The following SDK1 variants were observed in gnomAD, a reference collection of about 807,000 sequenced individuals.
SDK1 encodes the protein protein sidekick-1.
SDK1 carries 157 observed loss-of-function variants against 245.5 expected under a neutral mutation model. The observed-to-expected ratio is 0.64, with a 90% CI of 0.56 to 0.73. The LOEUF is 0.73. Ranked by LOEUF, SDK1 falls within the 30% of genes least tolerant of loss-of-function variation. SDK1 has a pLI of 0.00. For missense variants in SDK1, 3,583 were observed against 3,002.3 expected, an observed-to-expected ratio of 1.19 and a Z score of -4.52; for synonymous variants, 1,647 against 1,278.5, an observed-to-expected ratio of 1.29 and a Z score of -6.15.
At chr7:4,034,710 T>G (rs10237488) in intron 17 of SDK1, among the ~76,000 whole-genome samples, 48,243 of 152,044 alleles carry the variant, frequency 0.32, 11,901 homozygotes, top group African/African-American at 0.69. Flanking sequence ...AATGAAAAGA[T>G]ACAGGTACAA....
chr7:3,550,430 C>G (rs1779364797), intron 1 of SDK1, among the ~76,000 whole-genome samples: 1 of 152,210 alleles, frequency 6.6e-6, no homozygotes, highest in Admixed American at 6.5e-5. Context: ...CAAAGCAGTC[C>G]TGACGCTCAC....
At chr7:3,850,166 C>G (rs1355060378) in intron 5 of SDK1, among the ~76,000 whole-genome samples, 1 of 152,158 alleles carries the variant, frequency 6.6e-6, no homozygotes, top group African/African-American at 2.4e-5. Flanking sequence ...ATGGACCCAC[C>G]CCCCTTCGAG....
At chr7:3,776,500 T>G (rs936679351) in intron 4 of SDK1, among the ~76,000 whole-genome samples, 1 of 152,218 alleles carries the variant, frequency 6.6e-6, no homozygotes, top group Admixed American at 6.5e-5. Flanking sequence ...CCCATTGTTG[T>G]GTAACATTTT....
chr7:4,171,017 C>T (rs533295616), intron 32 of SDK1, among the ~76,000 whole-genome samples: 3 of 152,368 alleles, frequency 2.0e-5, no homozygotes, highest in Non-Finnish European at 2.9e-5. Flanking sequence ...ATTCTCACTC[C>T]TTCCTTTTCT....
chr7:4,038,575 A>T (rs1164266130), intron 17 of SDK1, among the ~76,000 whole-genome samples: 3 of 152,226 alleles, frequency 2.0e-5, no homozygotes, highest in African/African-American at 7.2e-5. Flanking sequence ...TAATGGTATT[A>T]TTCGAAAGCG....
intron 14 of SDK1, among the ~76,000 whole-genome samples, chr7:4,005,087 C>A (rs1218245023): frequency 3.7e-5 from 5 of 133,502 alleles, no homozygotes; most frequent in Non-Finnish European, 6.2e-5. Context: ...TGCTGTGTCA[C>A]CAGGCTGTAG....
chr7:4,015,901 G>A (rs1023854553), intron 16 of SDK1, among the ~76,000 whole-genome samples: 10 of 152,174 alleles, frequency 6.6e-5, no homozygotes, highest in Admixed American at 2.6e-4. Context: ...AAGAGGGAAC[G>A]GGAGAATGCT....
chr7:3,944,629 A>G (rs1275396845), intron 5 of SDK1, among the ~76,000 whole-genome samples: 2 of 152,362 alleles, frequency 1.3e-5, no homozygotes, highest in East Asian at 3.9e-4. Flanking sequence ...TAAAAATTGA[A>G]CTTGGAAAAC....
In SDK1 at chr7:3,988,132, G is replaced by GTT. The variant is rs71032919; in HGVS notation, c.2131+834_2131+835dup. Among the ~76,000 whole-genome samples, 129 of 85,398 alleles carry GTT rather than the reference G, an allele frequency of 1.5e-3. 1 individual carries two copies. Among genetic ancestry groups the GTT allele is most frequent in the South Asian group, 5.3e-3 (11 of 2,060 alleles). 56.0% of individuals were successfully genotyped at this position (85,398 alleles called of 152,430 possible). Reference sequence around the variant, plus strand: ...TTCCCACTGCATCCATCTTTTTAATGTTTTTTTTTTTTTTTTTTTTTTTTT... The same window carrying GTT: ...TTCCCACTGCATCCATCTTTTTAATGTTTTTTTTTTTTTTTTTTTTTTTTTTT... On this transcript the variant is annotated intron_variant, in intron 14 of 44. Transcript: ENST00000404826.
chr7:4,211,208 G>A (rs941172364), intron 38 of SDK1, among the ~76,000 whole-genome samples: 4 of 152,178 alleles, frequency 2.6e-5, no homozygotes, highest in Admixed American at 6.5e-5. Flanking sequence ...TAGATCAACC[G>A]GAAACAGCTT....
intron 4 of SDK1, among the ~76,000 whole-genome samples, chr7:3,647,642 C>T (rs190208648): frequency 6.6e-6 from 1 of 152,122 alleles, no homozygotes; most frequent in Admixed American, 6.5e-5. Context: ...GTTGCCCAGG[C>T]TGGTCTCGAA....
At chr7:4,149,173 A>G in intron 29 of SDK1, 89 bp from the exon 30 acceptor site, 1 of 1,068,016 alleles carries the variant, frequency 9.4e-7, no homozygotes, top group South Asian at 2.4e-5. Flanking sequence ...GCAAGCAGTC[A>G]GCCCTGTACA....
At chr7:3,910,401 C>T (rs1160604072) in intron 5 of SDK1, among the ~76,000 whole-genome samples, 2 of 152,062 alleles carry the variant, frequency 1.3e-5, no homozygotes, top group African/African-American at 4.8e-5. Flanking sequence ...GGGAAAATAG[C>T]TGCATAGTGC....
intron 26 of SDK1, among the ~76,000 whole-genome samples, 166 bp downstream of exon 26, chr7:4,127,662 T>C (rs1480873673): frequency 2.0e-5 from 3 of 152,240 alleles, no homozygotes; most frequent in Non-Finnish European, 4.4e-5. Context: ...CTAAGCCTCA[T>C]TGCAGCCTGG....
chr7:3,309,913 G>A (rs1779510291), intron 1 of SDK1, among the ~76,000 whole-genome samples: 1 of 152,148 alleles, frequency 6.6e-6, no homozygotes, highest in Admixed American at 6.5e-5. Context: ...AAAACTCCTG[G>A]TTGCAAGCTA....
chr7:3,580,982 A>AAAC (rs1562578285), intron 1 of SDK1, among the ~76,000 whole-genome samples: 3 of 139,900 alleles, frequency 2.1e-5, no homozygotes, highest in Admixed American at 7.4e-5. Flanking sequence ...AAAAAAAAAA[A>AAAC]AAAAAAAAAA....
intron 44 of SDK1, among the ~76,000 whole-genome samples, chr7:4,255,851 G>A (rs749367130): frequency 1.6e-4 from 25 of 151,524 alleles, no homozygotes; most frequent in Admixed American, 7.9e-4. Context: ...GAGATTTAGC[G>A]CAGATCTTGT....
At chr7:3,427,427 G>C (rs1779708385) in intron 1 of SDK1, among the ~76,000 whole-genome samples, 1 of 151,452 alleles carries the variant, frequency 6.6e-6, no homozygotes, top group Admixed American at 6.6e-5. Context: ...GCTGGAGCAG[G>C]AGAATCACTT....
At chr7:3,527,923 G>A (rs1429893360) in intron 1 of SDK1, among the ~76,000 whole-genome samples, 1 of 149,846 alleles carries the variant, frequency 6.7e-6, no homozygotes, top group South Asian at 2.1e-4. Context: ...GGCCAGCTAG[G>A]GGGTGAATGG....
Sources: gnomAD v4.1 joint callset for allele counts (sites outside exome capture counted in the v4.1 genomes callset) on GRCh38, gnomAD v4.1.1 for gene constraint, MANE v1.5 for transcripts, NCBI Gene and HGNC (gene_info 2026-07-23, HGNC 2026-07-21) for gene names.